The following ZNF799 variants were observed in gnomAD, a reference collection of about 807,000 sequenced individuals.
The protein encoded by ZNF799 is zinc finger protein 14.
In ZNF799, 28 loss-of-function variants were observed where a neutral mutation model predicts 41.0. The observed-to-expected ratio is 0.68, with a 90% CI of 0.51 to 0.94. The LOEUF is 0.94. ZNF799 is among the 40% of genes least tolerant of loss of function. The pLI, the probability that ZNF799 is intolerant of heterozygous loss-of-function variation, is 0.00. For synonymous variants in ZNF799, 213 were observed against 252.9 expected, an observed-to-expected ratio of 0.84 and a Z score of 1.50; for missense variants, 716 against 764.3, an observed-to-expected ratio of 0.94 and a Z score of 0.74.
At chr19:12,412,642 C>G in the ZNF799 span, among the ~76,000 whole-genome samples, 10 of 152,016 alleles carry the variant, frequency 6.6e-5, no homozygotes, top group South Asian at 1.2e-3. Context: ...AGGCCCCGAC[C>G]AGGAAAAAGA....
In ZNF799 at chr19:12,391,926, T is replaced by C. The variant is rs372938658; in HGVS notation, c.472A>G (p.Thr158Ala). The C allele has an allele frequency of 6.2e-7, 1 of 1,614,102 alleles. No homozygotes were observed. The change falls in exon 4 of 4, where the codon ACA becomes GCA. Residue 158 changes from threonine to alanine, a missense_variant. Physicochemically the swap from Thr to Ala is moderately conservative, Grantham distance 58. Transcript: ENST00000430385. Reference protein sequence around the residue: ...KAFSYHNSLQTHERLHTGKKP... With the variant: ...KAFSYHNSLQAHERLHTGKKP... ...TTTCCAGTGTGAAGCCTCTCATGTG[T>C]TTGAAGTGAGTTGTGGTAACTGAAG...
chr19:12,412,322 C>G, the ZNF799 span, among the ~76,000 whole-genome samples: 1 of 152,156 alleles, frequency 6.6e-6, no homozygotes, highest in South Asian at 2.1e-4. Context: ...CCATGTAACT[C>G]AAGACCGCTA....
the ZNF799 span, among the ~76,000 whole-genome samples, chr19:12,414,229 CAGA>C: frequency 6.6e-6 from 1 of 152,162 alleles, no homozygotes; most frequent in Non-Finnish European, 1.5e-5. Flanking sequence ...AACTCAGTGA[CAGA>C]AGAAGGTATC....
At chr19:12,406,112 G>A (rs1300308448), upstream of ZNF799, among the ~76,000 whole-genome samples, 2 of 146,084 alleles carry the variant, frequency 1.4e-5, no homozygotes, top group South Asian at 2.2e-4. Context: ...GGAGGTTGCA[G>A]TGAGCCAAGA....
Position 12,391,271 on chromosome 19 carries a change from T to C in ZNF799, c.1127A>G (p.His376Arg). 4 of 1,611,648 alleles carry C rather than the reference T, an allele frequency of 2.5e-6. No individual in the cohort carries two copies. The highest frequency in any genetic ancestry group is 3.4e-6 in the Non-Finnish European group (4 of 1,177,768). Residue 376 changes from histidine to arginine, a missense_variant, in exon 4 of 4, where the codon CAT becomes CGT. His to Arg is a conservative substitution (Grantham distance 29, BLOSUM62 0). Transcript: ENST00000430385. ...ECKQCGKALS[H>R]SSSFRRHMTM... ...CATGTGTCTTCGAAAGCTTGAGCTA[T>C]GAGATAACGCTTTCCCACACTGCTT...
the ZNF799 span, among the ~76,000 whole-genome samples, chr19:12,412,766 G>T: frequency 6.6e-6 from 1 of 152,150 alleles, no homozygotes; most frequent in African/African-American, 2.4e-5. Flanking sequence ...TGGGCTGGGG[G>T]TGGTGGTTCA....
upstream of ZNF799, chr19:12,401,353 G>C: frequency 1.1e-6 from 1 of 920,800 alleles, no homozygotes; most frequent in Admixed American, 3.1e-5. Context: ...CAGAAGAAGC[G>C]ATCTTGCACA....
At chr19:12,406,168 CAAAAAAAAAAAAAAAAAGA>C (rs1970028332), upstream of ZNF799, among the ~76,000 whole-genome samples, 3 of 58,988 alleles carry the variant, frequency 5.1e-5, no homozygotes, top group Admixed American at 5.8e-4. Flanking sequence ...GACTCTGTCT[CAAAAAAAAAAAAAAAAAGA>C]AAAAAAAAAA....
At position 12,392,051 on chromosome 19, in the gene ZNF799, G is replaced by A. The variant is rs1172458628; in HGVS notation, c.347C>T (p.Ser116Leu). The change falls in exon 4 of 4, where the codon TCA becomes TTA. Residue 116 changes from serine (S) to leucine (L), a missense_variant. Coordinates refer to ENST00000430385, the MANE Select transcript of ZNF799 (RefSeq NM_001080821.3). ...RMSGEVIMGH[S>L]SLNCYIRVGA... The stretch of plus-strand genomic sequence containing the variant: ...AACTCTGATGTAACAATTAAGGGAT[G>A]AATGACCCATGATGACTTCTCCACT... 1.9e-6 allele frequency: 3 copies of A among 1,614,186 alleles called. No individual in the cohort carries two copies. Among genetic ancestry groups the A allele is most frequent in the Non-Finnish European group, 2.5e-6 (3 of 1,180,024 alleles).
chr19:12,412,252 T>C, the ZNF799 span, among the ~76,000 whole-genome samples: 1 of 152,150 alleles, frequency 6.6e-6, no homozygotes, highest in Non-Finnish European at 1.5e-5. Flanking sequence ...TGGGCCCCAA[T>C]AAAGGCTTCA....
rs769118701 is a variant in ZNF799, at chr19:12,391,601, C to G, written c.797G>C (p.Ser266Thr). The change falls in exon 4 of 4, where the codon AGT becomes ACT. Residue 266 changes from serine (S) to threonine (T), a missense_variant. Around this residue, in one of 2 missense-constraint regions of ZNF799, gnomAD observed 698 missense variants for 713.6 expected, o/e 0.98. Coordinates refer to ENST00000430385, the MANE Select transcript of ZNF799 (RefSeq NM_001080821.3). ...KQCSKAFPDY[S>T]SCLRHERTHT... ...AGTTCTTTCATGTCTTAGACAAGAACTGTAATCAGGGAAGGCTTTAGAACA... is the reference window on the plus strand; with the variant it reads ...AGTTCTTTCATGTCTTAGACAAGAAGTGTAATCAGGGAAGGCTTTAGAACA... The G allele has an allele frequency of 6.2e-7, 1 of 1,614,052 alleles. No individual in the cohort carries two copies. Among genetic ancestry groups the G allele is most frequent in the Admixed American group, 1.7e-5 (1 of 60,010 alleles).
intron 1 of ZNF799, chr19:12,398,344 C>G (rs2144902992): frequency 6.6e-6 from 1 of 151,772 alleles, no homozygotes; most frequent in East Asian, 1.9e-4. Flanking sequence ...CAAAGCTACT[C>G]TCTTACCCTT....
At chr19:12,404,417 C>T (rs1970016443), upstream of ZNF799, among the ~76,000 whole-genome samples, 1 of 151,942 alleles carries the variant, frequency 6.6e-6, no homozygotes. Context: ...TTGTATTGGT[C>T]TCTCTCTCTT....
Position 12,393,623 on chromosome 19 carries a change from A to G in ZNF799, c.4-200T>C, listed in dbSNP as rs1024760029. On this transcript the variant is annotated intron_variant, in intron 1 of 3. Transcript: ENST00000430385. ...AGCTACAGTTAAACATGTTTGGTAA[A>G]TTAACAGTGGGATAGAAACATGCCA... The G allele has an allele frequency of 1.1e-4, 163 of 1,444,640 alleles. 2 individuals carry two copies. The highest frequency in any genetic ancestry group is 2.3e-4 in the Middle Eastern group (1 of 4,326). 89.5% of individuals were successfully genotyped at this position (1,444,640 alleles called of 1,614,324 possible).
At chr19:12,402,631 T>A (rs1379032882), upstream of ZNF799, among the ~76,000 whole-genome samples, 1 of 152,002 alleles carries the variant, frequency 6.6e-6, no homozygotes, top group African/African-American at 2.4e-5. Context: ...TTTTTTAGGG[T>A]TTTTATCATG....
At chr19:12,406,103 G>A (rs1418156462), upstream of ZNF799, among the ~76,000 whole-genome samples, 1 of 149,634 alleles carries the variant, frequency 6.7e-6, no homozygotes, top group Non-Finnish European at 1.5e-5. Context: ...CCGGGAAGCG[G>A]AGGTTGCAGT....
chr19:12,391,495 T>G lies in ZNF799; in HGVS notation c.903A>C (p.Thr301=). The stretch of plus-strand genomic sequence containing the variant: ...CATAGGGTTTCTCATCAGTGTGAGT[T>G]GTTTCGTGTCTTCGAAGGGAAGTGG... ...SASTSLRRHE[T]THTDEKPYAC... is the part of the protein sequence containing the mutation. Residue 301 remains threonine, a synonymous_variant, in exon 4 of 4, where the codon ACA becomes ACC. Transcript: ENST00000430385. 6.2e-7 allele frequency: 1 copy of G among 1,614,120 alleles called. No homozygotes were observed. The highest frequency in any genetic ancestry group is 1.1e-5 in the South Asian group (1 of 91,068).
upstream of ZNF799, among the ~76,000 whole-genome samples, chr19:12,402,525 A>G (rs2432249): frequency 1.1e-4 from 16 of 151,464 alleles, no homozygotes; most frequent in South Asian, 6.3e-4. Flanking sequence ...CTTACAGGAA[A>G]GGCTTTCAGT....
At chr19:12,406,038 T>G (rs1476179410), upstream of ZNF799, among the ~76,000 whole-genome samples, 1 of 149,750 alleles carries the variant, frequency 6.7e-6, no homozygotes. Context: ...CTGGGTGTAG[T>G]GGCATGCGCC....
Sources: allele counts gnomAD v4.1 joint callset (sites outside exome capture counted in the v4.1 genomes callset), GRCh38; gene constraint gnomAD v4.1.1; regional missense constraint gnomAD v4.1.1; transcripts MANE v1.5; gene names NCBI Gene and HGNC (gene_info 2026-07-23, HGNC 2026-07-21).